MTUS2: variants seen among roughly 807,000 people sequenced by gnomAD.
MTUS2 encodes microtubule associated scaffold protein 2.
A neutral mutation model predicts 114.1 loss-of-function variants in MTUS2; 40 were observed. The observed-to-expected ratio is 0.35, with a 90% CI of 0.27 to 0.46. The LOEUF (loss-of-function observed/expected upper bound fraction) is 0.46. Among genes scored for constraint, MTUS2 ranks in the 20% least tolerant of loss-of-function variants. The probability of loss-of-function intolerance (pLI) is 1.00; values close to 1 mark genes in which losing one functional copy is unlikely to be tolerated. For synonymous variants in MTUS2, 688 were observed against 672.0 expected (o/e 1.02, Z -0.37); for missense variants, 1,679 against 1,705.4 (o/e 0.98, Z 0.27).
chr13:29,171,676 T>C (rs1383933195), intron 5 of MTUS2, among the ~76,000 whole-genome samples: 2 of 152,190 alleles, frequency 1.3e-5, no homozygotes, highest in African/African-American at 4.8e-5. Context: ...ATTTTTCTCT[T>C]GTGTAAAATA....
chr13:29,001,359 A>T (rs1885375192), intron 2 of MTUS2, among the ~76,000 whole-genome samples: 1 of 151,988 alleles, frequency 6.6e-6, no homozygotes, highest in South Asian at 2.1e-4. Flanking sequence ...GTGGCTATGG[A>T]GGTTGGGAGA....
intron 7 of MTUS2, among the ~76,000 whole-genome samples, chr13:29,325,302 A>G (rs1040451579): frequency 3.3e-5 from 5 of 152,022 alleles, no homozygotes; most frequent in Non-Finnish European, 7.4e-5. Context: ...CTAAAAATAT[A>G]AAAAATAGCT....
chr13:29,059,990 A>G (rs1283522909), intron 4 of MTUS2, among the ~76,000 whole-genome samples: 1 of 152,162 alleles, frequency 6.6e-6, no homozygotes, highest in East Asian at 1.9e-4. Context: ...CCTGGCTCCC[A>G]GTGGCAGGGG....
At chr13:29,300,240 A>C (rs1408657279) in intron 6 of MTUS2, among the ~76,000 whole-genome samples, 1 of 152,228 alleles carries the variant, frequency 6.6e-6, no homozygotes, top group Non-Finnish European at 1.5e-5. Context: ...CCACCTTAAT[A>C]TTAAGCCCCC....
intron 2 of MTUS2, among the ~76,000 whole-genome samples, chr13:28,894,933 A>G (rs1221177344): frequency 6.6e-6 from 1 of 152,248 alleles, no homozygotes; most frequent in Admixed American, 6.5e-5. Context: ...TTTATGATTA[A>G]TATCAATTTT....
At chr13:29,311,453 T>C (rs1899758060) in intron 6 of MTUS2, among the ~76,000 whole-genome samples, 1 of 152,190 alleles carries the variant, frequency 6.6e-6, no homozygotes, top group South Asian at 2.1e-4. Flanking sequence ...TTAAGAAAAA[T>C]ATGTGAATGA....
chr13:29,444,814 T>C (rs2138705719), intron 9 of MTUS2, among the ~76,000 whole-genome samples: 1 of 152,308 alleles, frequency 6.6e-6, no homozygotes, highest in East Asian at 1.9e-4. Context: ...AGACAAATTG[T>C]ACCTGTTTGG....
intron 2 of MTUS2, among the ~76,000 whole-genome samples, chr13:28,884,103 C>T (rs947849915): frequency 2.0e-5 from 3 of 152,152 alleles, no homozygotes; most frequent in Admixed American, 6.5e-5. Context: ...TATTTGTACA[C>T]TCATGTTCAT....
intron 8 of MTUS2, among the ~76,000 whole-genome samples, chr13:29,375,527 AT>A (rs1871543355): frequency 3.6e-4 from 2 of 5,528 alleles, no homozygotes; most frequent in Non-Finnish European, 7.4e-4. Context: ...ATATATATAT[AT>A]ATATATATAC....
At chr13:29,346,893 A>T (rs1344756191) in intron 7 of MTUS2, among the ~76,000 whole-genome samples, 1 of 149,930 alleles carries the variant, frequency 6.7e-6, no homozygotes, top group Non-Finnish European at 1.5e-5. Flanking sequence ...AATTTGTCTT[A>T]GCTCCCTATA....
intron 5 of MTUS2, among the ~76,000 whole-genome samples, chr13:29,243,178 A>C (rs1045533990): frequency 2.6e-5 from 4 of 152,224 alleles, no homozygotes; most frequent in Admixed American, 2.0e-4. Flanking sequence ...ATATAAGAGG[A>C]GTAAAGTCAC....
Position 29,141,840 on chromosome 13 carries a change from T to C in MTUS2, c.2644+40870T>C, listed in dbSNP as rs75795617. Among the ~76,000 whole-genome samples the C allele has an allele frequency of 1.2e-4, 19 of 152,154 alleles. No individual in the cohort carries two copies. The East Asian group carries it at 3.7e-3, about 29-fold the overall frequency. ...ACATTTCCTGTTATCCAAAACAGCT[T>C]GAAGTCTAAATGGGGATCTAATTTT... On this transcript the variant is annotated intron_variant, in intron 5 of 15. Coordinates refer to ENST00000612955, the MANE Select transcript of MTUS2 (RefSeq NM_001033602.4).
chr13:29,227,270 A>AAG (rs1896145845), intron 5 of MTUS2, among the ~76,000 whole-genome samples: 1 of 151,376 alleles, frequency 6.6e-6, no homozygotes, highest in Admixed American at 6.6e-5. Flanking sequence ...AAAAAAAAAA[A>AAG]AAAAAAGAAA....
intron 2 of MTUS2, among the ~76,000 whole-genome samples, chr13:28,904,680 G>A (rs1159863096): frequency 1.3e-5 from 2 of 152,226 alleles, no homozygotes; most frequent in South Asian, 2.1e-4. Context: ...TTTGAAGTCA[G>A]GTAGCGTGAT....
At chr13:28,979,337 A>T (rs1884256254) in intron 2 of MTUS2, among the ~76,000 whole-genome samples, 4 of 152,168 alleles carry the variant, frequency 2.6e-5, no homozygotes, top group Admixed American at 2.6e-4. Context: ...ATTTTTCAGA[A>T]ATCATTGTTA....
chr13:29,189,280 C>CCCCA (rs1894350244), intron 5 of MTUS2, among the ~76,000 whole-genome samples: 1 of 152,210 alleles, frequency 6.6e-6, no homozygotes, highest in Non-Finnish European at 1.5e-5. Context: ...TAGAAAGTAT[C>CCCCA]TTCAGGGGAT....
chr13:29,350,847 C>G (rs1272658739), intron 7 of MTUS2, among the ~76,000 whole-genome samples: 3 of 150,410 alleles, frequency 2.0e-5, no homozygotes, highest in African/African-American at 2.5e-5. Flanking sequence ...CATATTTCTT[C>G]TTATAAGAGC....
intron 6 of MTUS2, chr13:29,307,842 G>T: frequency 1.4e-6 from 1 of 694,940 alleles, no homozygotes; most frequent in South Asian, 1.5e-5. Flanking sequence ...GGCCTTCACT[G>T]CTGGGGGACA....
intron 2 of MTUS2, among the ~76,000 whole-genome samples, chr13:28,993,599 T>C (rs1884956406): frequency 6.6e-6 from 1 of 152,120 alleles, no homozygotes; most frequent in Non-Finnish European, 1.5e-5. Context: ...TAGAGAAAGG[T>C]AGGGGTCCAG....
Sources: allele counts gnomAD v4.1 joint callset (sites outside exome capture counted in the v4.1 genomes callset), GRCh38; gene constraint gnomAD v4.1.1; transcripts MANE v1.5; gene names NCBI Gene and HGNC (gene_info 2026-07-23, HGNC 2026-07-21).